Variants in NFIX observed in about 807,000 individuals in gnomAD.
NFIX encodes the protein nuclear factor I X.
Under a neutral mutation model 53.3 loss-of-function variants are expected in NFIX, and 2 were observed. The ratio of observed to expected loss-of-function variants is 0.04; its 90% CI spans 0.02 to 0.12. The LOEUF is 0.12. NFIX is among the 10% of genes least tolerant of loss of function. NFIX has a pLI of 1.00. For missense variants in NFIX, 310 were observed against 674.5 expected, an observed-to-expected ratio of 0.46 and a Z score of 5.99; for synonymous variants, 244 against 289.0, an observed-to-expected ratio of 0.84 and a Z score of 1.58.
chr19:13,063,009 A>G (rs974672104), intron 2 of NFIX, among the ~76,000 whole-genome samples: 5 of 152,144 alleles, frequency 3.3e-5, no homozygotes, highest in African/African-American at 1.2e-4. Context: ...GGTTTCCTGG[A>G]TGGATTCTTC....
rs1328395560 is a variant in NFIX, at chr19:13,075,768, CCT to C, written c.955+98_955+99del. 1.1e-5 allele frequency: 16 copies of C among 1,420,846 alleles called. No individual in the cohort carries two copies. The Admixed American group carries it at 2.9e-4, about 26-fold the overall frequency. The allele number at this position is 1,420,846 out of a possible 1,614,324, so 88.0% of individuals were successfully genotyped here. A position where few individuals can be genotyped will look rare whatever the true frequency, so the allele number is the denominator to read the frequency against. On this transcript the variant is annotated intron_variant, in intron 6 of 10. Coordinates refer to ENST00000592199, the MANE Select transcript of NFIX (RefSeq NM_001365902.3). The stretch of plus-strand genomic sequence containing the variant: ...TGGTGAGCCTCCCACCAGTTGTCCC[CCT>C]GTCGGGGGGCATTACCCATCTGTTT...
Position 13,075,659 on chromosome 19 carries a change from G to T in NFIX, c.943G>T (p.Asp315Tyr). 6.2e-7 allele frequency: 1 copy of T among 1,613,590 alleles called. No individual in the cohort carries two copies. ...GSSQSSGWPN[D>Y]VDAGPASLKK... ...CAGCCAGTCCAGCGGGTGGCCCAAC[G>T]ATGTGGATGCAGGTATGGGTGCGGG... Residue 315 changes from aspartate to tyrosine, a missense_variant, in exon 6 of 11, where the codon GAT becomes TAT. By Grantham distance (160) the Asp-to-Tyr change is radical (BLOSUM62 -3). Transcript: ENST00000592199.
rs922353884 is a variant in NFIX at position 13,028,918 on chromosome 19, C to G, written c.559+3366C>G. On this transcript the variant is annotated intron_variant, in intron 2 of 10. Transcript: ENST00000592199. This position sits in a 1 kb window ranked among gnomAD's most constrained non-coding sequence, Gnocchi z 4.2. ...AGTGCCTTCAGACCTTCCCTGACAC[C>G]TAAGCCTTGGTCCTAGGAAAGAAAA... is the stretch of plus-strand genomic sequence containing the variant. Among the ~76,000 whole-genome samples the G allele has an allele frequency of 3.3e-5, 5 of 152,008 alleles. No homozygotes were observed. The highest frequency in any genetic ancestry group is 1.2e-4 in the African/African-American group (5 of 41,376).
In NFIX at chr19:13,078,497, G is replaced by A. The variant is rs769236359; in HGVS notation, c.956-116G>A. ...AGCAGCAGGAGGGAGCACAGTGGAG[G>A]AAGGGGCAGTGGGGAGGGGCTGAGG... On this transcript the variant is annotated intron_variant, in intron 6 of 10. Coordinates refer to ENST00000592199, the MANE Select transcript of NFIX (RefSeq NM_001365902.3). This position sits in a 1 kb window ranked among gnomAD's most constrained non-coding sequence, Gnocchi z 4.7. The A allele has an allele frequency of 1.0e-5, 13 of 1,297,984 alleles. No individual in the cohort carries two copies. Among genetic ancestry groups the A allele is most frequent in the African/African-American group, 7.4e-5 (5 of 68,008 alleles). The allele number at this position is 1,297,984 out of a possible 1,614,324, so 80.4% of individuals were successfully genotyped here.
At position 13,027,093 on chromosome 19, in the gene NFIX, T is replaced by C. The variant is rs1359248770; in HGVS notation, c.559+1541T>C. Reference sequence around the variant, plus strand: ...GCCCTGAGTTTACATGTTGGAGAACTGTGGAGAGGAGAAGGTGGTATTGGA... The same window carrying C: ...GCCCTGAGTTTACATGTTGGAGAACCGTGGAGAGGAGAAGGTGGTATTGGA... On this transcript the variant is annotated intron_variant, in intron 2 of 10. Transcript: ENST00000592199. This position sits in a 1 kb window ranked among gnomAD's most constrained non-coding sequence, Gnocchi z 4.3. Among the ~76,000 whole-genome samples, 1 of 152,160 alleles carries C rather than the reference T, an allele frequency of 6.6e-6. No homozygotes were observed. The highest frequency in any genetic ancestry group is 1.5e-5 in the Non-Finnish European group (1 of 68,024).
Position 13,079,194 on chromosome 19 carries a change from G to A in NFIX, c.1078+459G>A, listed in dbSNP as rs534126185. ...TGATGTGGGGCCTGGATGGAGAAGA[G>A]TACTCCTAAGGAGCCCAGGCTCCTG... is the stretch of plus-strand genomic sequence containing the variant. On this transcript the variant is annotated intron_variant, in intron 7 of 10. Transcript: ENST00000592199. Among the ~76,000 whole-genome samples the A allele has an allele frequency of 1.1e-3, 170 of 152,342 alleles. 4 individuals are homozygous for A. The South Asian group carries it at 0.034, about 30-fold the overall frequency.
Position 12,996,563 on chromosome 19 carries a change from C to T in NFIX, c.27+699C>T, listed in dbSNP as rs1195860211. On this transcript the variant is annotated intron_variant, in intron 1 of 10. Coordinates refer to ENST00000592199, the MANE Select transcript of NFIX (RefSeq NM_001365902.3). This position sits in a 1 kb window ranked among gnomAD's most constrained non-coding sequence, Gnocchi z 5.2. Reference sequence around the variant, plus strand: ...GGGCGCGCTGCCAGCGGTGGCCGCGCCTCTCCGACCCCGGACGTCGCAGCC... The same window carrying T: ...GGGCGCGCTGCCAGCGGTGGCCGCGTCTCTCCGACCCCGGACGTCGCAGCC... Among the ~76,000 whole-genome samples, 1 of 152,186 alleles carries T rather than the reference C, an allele frequency of 6.6e-6. No homozygotes were observed. Among genetic ancestry groups the T allele is most frequent in the Admixed American group, 6.5e-5 (1 of 15,282 alleles).
At chr19:13,065,855 T>G (rs1022296345) in intron 2 of NFIX, among the ~76,000 whole-genome samples, 10 of 152,174 alleles carry the variant, frequency 6.6e-5, no homozygotes, top group Non-Finnish European at 1.3e-4. Context: ...AAGAACTCCC[T>G]GGAGGGCTCC....
intron 7 of NFIX, among the ~76,000 whole-genome samples, chr19:13,079,602 C>T (rs2017336921): frequency 6.6e-6 from 1 of 152,152 alleles, no homozygotes; most frequent in Non-Finnish European, 1.5e-5. Flanking sequence ...TCCTGGCTTC[C>T]TCCTTGGGGC....
At chr19:13,062,007 T>C (rs2016122094) in intron 2 of NFIX, among the ~76,000 whole-genome samples, 1 of 152,040 alleles carries the variant, frequency 6.6e-6, no homozygotes, top group Non-Finnish European at 1.5e-5. Context: ...CTCTTAGGGC[T>C]CCAAGCTGGA....
rs1253804251 is a variant in NFIX at position 13,025,048 on chromosome 19, C to T, written c.55C>T (p.Leu19=). 2.5e-6 allele frequency: 4 copies of T among 1,612,854 alleles called. No individual in the cohort carries two copies. The highest frequency in any genetic ancestry group is 1.6e-4 in the Middle Eastern group (1 of 6,080). ...TGAGTTCCACCCGTTCATCGAGGCACTGCTGCCTCACGTCCGCGCTTTCTC... is the reference window on the plus strand; with the variant it reads ...TGAGTTCCACCCGTTCATCGAGGCATTGCTGCCTCACGTCCGCGCTTTCTC... ...QDEFHPFIEA[L]LPHVRAFSYT... The change falls in exon 2 of 11, where the codon CTG becomes TTG. Residue 19 remains leucine, a synonymous_variant. Transcript: ENST00000592199. This position sits in a 1 kb window ranked among gnomAD's most constrained non-coding sequence, Gnocchi z 7.5.
intron 1 of NFIX, among the ~76,000 whole-genome samples, chr19:13,008,068 CAAGTT>C (rs556984433): frequency 2.2e-4 from 34 of 152,320 alleles, no homozygotes; most frequent in Non-Finnish European, 3.8e-4. Flanking sequence ...CACATGTTGA[CAAGTT>C]AAGGAGGTAG....
intron 7 of NFIX, among the ~76,000 whole-genome samples, chr19:13,079,847 G>A (rs549321732): frequency 6.6e-6 from 1 of 152,370 alleles, no homozygotes; most frequent in South Asian, 2.1e-4. Flanking sequence ...AAGAGCTGGG[G>A]CCTGCTCTGG....
At chr19:13,030,772 C>T (rs1441779156) in intron 2 of NFIX, among the ~76,000 whole-genome samples, 1 of 152,192 alleles carries the variant, frequency 6.6e-6, no homozygotes, top group Non-Finnish European at 1.5e-5. Context: ...TCCTAGCCAG[C>T]CATGGTGGCT....
intron 8 of NFIX, chr19:13,082,092 G>T (rs903011160): frequency 7.4e-6 from 4 of 539,830 alleles, no homozygotes; most frequent in African/African-American, 5.7e-5. Context: ...GGGCCCCCTT[G>T]CTCAGTCAGG....
intron 2 of NFIX, among the ~76,000 whole-genome samples, chr19:13,034,378 C>T (rs1455479228): frequency 6.6e-6 from 1 of 152,204 alleles, no homozygotes; most frequent in Non-Finnish European, 1.5e-5. Flanking sequence ...CGAGAGGCAG[C>T]ATGCTAGCAT....
intron 8 of NFIX, among the ~76,000 whole-genome samples, chr19:13,084,795 C>T (rs769189181): frequency 1.3e-5 from 2 of 152,012 alleles, no homozygotes; most frequent in African/African-American, 2.4e-5. Context: ...GCTGGTCGGG[C>T]GCGGTGGCTT....
At chr19:13,015,606 T>C (rs2145165216) in intron 1 of NFIX, among the ~76,000 whole-genome samples, 1 of 152,230 alleles carries the variant, frequency 6.6e-6, no homozygotes, top group South Asian at 2.1e-4. Flanking sequence ...AGGCCCCCCA[T>C]TCCCTGCCTG....
intron 2 of NFIX, among the ~76,000 whole-genome samples, chr19:13,026,974 G>T (rs945823734): frequency 6.6e-6 from 1 of 152,228 alleles, no homozygotes; most frequent in Non-Finnish European, 1.5e-5. Context: ...TGTTTGGGAA[G>T]TTGGGAGGAA....
Sources: allele counts gnomAD v4.1 joint callset (sites outside exome capture counted in the v4.1 genomes callset), GRCh38; gene constraint gnomAD v4.1.1; non-coding constraint Gnocchi (gnomAD v3.1); transcripts MANE v1.5; gene names NCBI Gene and HGNC (gene_info 2026-07-23, HGNC 2026-07-21).